The following KPNA5 variants were observed in gnomAD, a reference collection of about 807,000 sequenced individuals.
The protein encoded by KPNA5 is importin subunit alpha-6.
Under a neutral mutation model 71.3 loss-of-function variants are expected in KPNA5, and 46 were observed. The ratio of observed to expected loss-of-function variants is 0.65; its 90% CI spans 0.51 to 0.83. KPNA5 has a LOEUF of 0.83. Ranked by LOEUF, KPNA5 falls within the 40% of genes least tolerant of loss-of-function variation. KPNA5 has a pLI of 0.00. For missense variants in KPNA5, 547 were observed against 628.3 expected (o/e 0.87, Z 1.38); for synonymous variants, 207 against 201.4 (o/e 1.03, Z -0.24).
At chr6:116,730,733 C>T (rs1779451163) in intron 13 of KPNA5, among the ~76,000 whole-genome samples, 1 of 152,002 alleles carries the variant, frequency 6.6e-6, no homozygotes. Flanking sequence ...AAATAGTACA[C>T]CAAGTTGCTT....
intron 8 of KPNA5, 68 bp downstream of exon 8, chr6:116,716,386 T>A (rs1778889121): frequency 9.2e-7 from 1 of 1,092,512 alleles, no homozygotes; most frequent in African/African-American, 1.6e-5. Context: ...AATAGCTTTT[T>A]GATGTTTAAG....
chr6:116,728,331 G>A (rs552816017), intron 12 of KPNA5, among the ~76,000 whole-genome samples: 13 of 151,996 alleles, frequency 8.6e-5, no homozygotes, highest in Admixed American at 4.6e-4. Context: ...TTATTAGTAT[G>A]GATTAAGTAT....
intron 4 of KPNA5, among the ~76,000 whole-genome samples, chr6:116,696,295 C>G (rs1270561656): frequency 6.6e-6 from 1 of 152,150 alleles, no homozygotes; most frequent in African/African-American, 2.4e-5. Context: ...CCACATCTAT[C>G]AGGCCTAGAA....
chr6:116,711,303 T>C (rs919505868), intron 7 of KPNA5, among the ~76,000 whole-genome samples: 9 of 151,872 alleles, frequency 5.9e-5, no homozygotes, highest in African/African-American at 2.2e-4. Flanking sequence ...TTTAGTTGAT[T>C]TTCTGTAGTG....
intron 1 of KPNA5, 141 bp from the exon 2 acceptor site, chr6:116,689,179 T>C (rs1777698696): frequency 2.6e-6 from 2 of 764,432 alleles, no homozygotes; most frequent in South Asian, 3.6e-5. Context: ...TAAGGGAATG[T>C]ATTCTTTGTA....
rs150162510 is a variant in KPNA5 at position 116,719,083 on chromosome 6, C to T, written c.756+2765C>T. Among the ~76,000 whole-genome samples, 634 of 152,268 alleles carry T rather than the reference C, an allele frequency of 4.2e-3. 4 individuals are homozygous for T. The highest frequency in any genetic ancestry group is 0.014 in the African/African-American group (593 of 41,562). ...ACAGGCATGAGCCACCACACCAAGC[C>T]GGAAATTTTCATTTCTACAATCCTA... On this transcript the variant is annotated intron_variant, in intron 8 of 13. Transcript: ENST00000368564.
rs1338172641 is a variant in KPNA5, at chr6:116,692,309, C to T, written c.257C>T (p.Thr86Ile). 1 of 1,596,198 alleles carries T rather than the reference C, an allele frequency of 6.3e-7. No homozygotes were observed. Among genetic ancestry groups the T allele is most frequent in the Non-Finnish European group, 8.5e-7 (1 of 1,171,376 alleles). The change falls in exon 4 of 14, where the codon ACA (threonine) becomes ATA (isoleucine). Residue 86 changes from threonine (T) to isoleucine (I), a missense_variant. Coordinates refer to ENST00000368564, the MANE Select transcript of KPNA5 (RefSeq NM_001366306.2). ...GTGTTTTAGGAAGAAGTTGTTACTA[C>T]AGATATGGTTCAGATGATTTTTTCT... is the stretch of plus-strand genomic sequence containing the variant. ...VPIPEEEVVTTDMVQMIFSNN... is the reference protein window; with the variant it reads ...VPIPEEEVVTIDMVQMIFSNN...
intron 5 of KPNA5, 139 bp downstream of exon 5, chr6:116,698,937 ATCTTG>A (rs1778129007): frequency 1.3e-5 from 6 of 470,314 alleles, no homozygotes; most frequent in Non-Finnish European, 2.3e-5. Context: ...AGTGCTGCCT[ATCTTG>A]TCTTGGACAC....
chr6:116,681,541 C>G, intron 1 of KPNA5: 2 of 1,344,226 alleles, frequency 1.5e-6, no homozygotes, highest in Admixed American at 3.8e-5. Flanking sequence ...CCCTTGCGGA[C>G]GCGAAGGCGT....
chr6:116,691,627 T>A (rs186059647), intron 2 of KPNA5, among the ~76,000 whole-genome samples: 1 of 152,354 alleles, frequency 6.6e-6, no homozygotes, highest in African/African-American at 2.4e-5. Flanking sequence ...TTTCTATTCC[T>A]TGTTAATCAG....
intron 8 of KPNA5, among the ~76,000 whole-genome samples, chr6:116,718,094 C>T (rs1778957835): frequency 6.6e-6 from 1 of 152,072 alleles, no homozygotes; most frequent in Non-Finnish European, 1.5e-5. Context: ...ACCTGACATT[C>T]CTAGTGGGTG....
intron 8 of KPNA5, among the ~76,000 whole-genome samples, chr6:116,718,118 C>G (rs1778958645): frequency 6.6e-6 from 1 of 152,120 alleles, no homozygotes. Flanking sequence ...GAGCAGCCCT[C>G]TCATGCCCTG....
rs1779790110 is a variant in KPNA5, at chr6:116,739,451, C to A, written c.*7128C>A. 1 of 152,064 alleles carries A rather than the reference C, an allele frequency of 6.6e-6. No homozygotes were observed. The allele number at this position is 152,064 out of a possible 1,614,324, so 9.4% of individuals were successfully genotyped here. A position where few individuals can be genotyped will look rare whatever the true frequency, so the allele number is the denominator to read the frequency against. On this transcript the variant is annotated 3_prime_UTR_variant, in exon 14 of 14. Coordinates refer to ENST00000368564, the MANE Select transcript of KPNA5 (RefSeq NM_001366306.2). ...AGGTAATTTATAGATTCAATGCCAT[C>A]CCCATCAAGCTACCAATGCCTTTCT...
chr6:116,701,961 T>C (rs2114411498), intron 5 of KPNA5, 58 bp from the exon 6 acceptor site: 1 of 1,544,986 alleles, frequency 6.5e-7, no homozygotes, highest in Non-Finnish European at 8.8e-7. Context: ...CTTTCCTTCT[T>C]TGCCTTTCTG....
At position 116,736,144 on chromosome 6, in the gene KPNA5, G is replaced by A. The variant is rs529799702; in HGVS notation, c.*3821G>A. On this transcript the variant is annotated 3_prime_UTR_variant, in exon 14 of 14. Coordinates refer to ENST00000368564, the MANE Select transcript of KPNA5 (RefSeq NM_001366306.2). ...ATCAATTCATGATAGTCAAAATGTA[G>A]AAACAAATGTTCATCAGCCAATGGA... The A allele has an allele frequency of 6.6e-6, 1 of 151,848 alleles. No homozygotes were observed. Among genetic ancestry groups the A allele is most frequent in the East Asian group, 1.9e-4 (1 of 5,170 alleles). The allele number at this position is 151,848 out of a possible 1,614,324, so 9.4% of individuals were successfully genotyped here. A position where few individuals can be genotyped will look rare whatever the true frequency, so the allele number is the denominator to read the frequency against.
In KPNA5 at chr6:116,692,396, A is replaced by G; in HGVS notation, c.340+4A>G. 1.9e-6 allele frequency: 3 copies of G among 1,562,840 alleles called. No homozygotes were observed. The highest frequency in any genetic ancestry group is 2.6e-6 in the Non-Finnish European group (3 of 1,144,164). The stretch of plus-strand genomic sequence containing the variant: ...TTTAGAAAGCTGCTTTCTAAAGGCA[A>G]GAATTATTTTCAGTATGCTTATTTG... On this transcript the variant is annotated splice_donor_region_variant and intron_variant, in intron 4 of 13. Transcript: ENST00000368564.
chr6:116,702,313 C>T (rs528926004), intron 6 of KPNA5, among the ~76,000 whole-genome samples, 163 bp downstream of exon 6: 7 of 152,134 alleles, frequency 4.6e-5, no homozygotes, highest in Non-Finnish European at 1.0e-4. Flanking sequence ...GAAGAATGAA[C>T]AGTTCCAGAC....
rs1779868058 is a variant in KPNA5, at chr6:116,741,389, A to G, written c.*9066A>G. 6.6e-6 allele frequency: 1 copy of G among 152,100 alleles called. No homozygotes were observed. The highest frequency in any genetic ancestry group is 2.4e-5 in the African/African-American group (1 of 41,420). 9.4% of individuals were successfully genotyped at this position (152,100 alleles called of 1,614,324 possible). ...TTAAGGTTCAGATGAGAATTTGTACATTTATGTGCTAAAAGTACAGAACAA... is the reference window on the plus strand; with the variant it reads ...TTAAGGTTCAGATGAGAATTTGTACGTTTATGTGCTAAAAGTACAGAACAA... On this transcript the variant is annotated 3_prime_UTR_variant, in exon 14 of 14. Transcript: ENST00000368564.
intron 12 of KPNA5, among the ~76,000 whole-genome samples, chr6:116,728,696 C>T (rs1779367276): frequency 6.6e-6 from 1 of 151,708 alleles, no homozygotes. Flanking sequence ...CTATTGTGTT[C>T]TTACAACTAC....
Sources: gnomAD v4.1 joint callset for allele counts (sites outside exome capture counted in the v4.1 genomes callset) on GRCh38, gnomAD v4.1.1 for gene constraint, MANE v1.5 for transcripts, NCBI Gene and HGNC (gene_info 2026-07-23, HGNC 2026-07-21) for gene names.